Variants in HBP1 observed in about 807,000 individuals in gnomAD.
HBP1 encodes the protein HMG-box transcription factor 1, also known as HMG box-containing protein 1.
A neutral mutation model predicts 62.6 loss-of-function variants in HBP1; 20 were observed. The ratio of observed to expected loss-of-function variants is 0.32; its 90% CI spans 0.22 to 0.46. The LOEUF is 0.46. HBP1 is among the 20% of genes least tolerant of loss of function. The pLI is 1.00. For missense variants in HBP1, 480 were observed against 611.8 expected, an observed-to-expected ratio of 0.78 and a Z score of 2.27; for synonymous variants, 232 against 206.2, an observed-to-expected ratio of 1.12 and a Z score of -1.07.
chr7:107,189,194 A>AT, intron 6 of HBP1, 98 bp from the exon 7 acceptor site: 1 of 1,015,328 alleles, frequency 9.8e-7, no homozygotes, highest in Non-Finnish European at 1.5e-6. Context: ...TGTCTTGGTT[A>AT]TTTTTACCTT....
At chr7:107,195,018 C>G (rs933633493) in intron 8 of HBP1, among the ~76,000 whole-genome samples, 1 of 152,146 alleles carries the variant, frequency 6.6e-6, no homozygotes, top group Admixed American at 6.5e-5. Flanking sequence ...ACCCAGATTA[C>G]TGGGCATTTT....
intron 2 of HBP1, among the ~76,000 whole-genome samples, chr7:107,181,176 G>C (rs953539199): frequency 6.6e-6 from 1 of 152,154 alleles, no homozygotes; most frequent in African/African-American, 2.4e-5. Flanking sequence ...CCGAGTCAGT[G>C]CTTCTAATTA....
intron 1 of HBP1, among the ~76,000 whole-genome samples, chr7:107,171,025 TATATAACATATACATGTATAA>T (rs1796539690): frequency 2.2e-5 from 3 of 138,922 alleles, no homozygotes; most frequent in Non-Finnish European, 3.1e-5. Context: ...ATATATAAAA[TATATAACATATACATGTATAA>T]ATATATATAT....
intron 3 of HBP1, among the ~76,000 whole-genome samples, chr7:107,183,376 A>C (rs533350069): frequency 1.3e-5 from 2 of 152,282 alleles, no homozygotes; most frequent in East Asian, 1.9e-4. Context: ...CTAAAGAATA[A>C]ACTTATTAGG....
intron 7 of HBP1, 50 bp downstream of exon 7, chr7:107,189,498 A>T (rs781224070): frequency 7.2e-7 from 1 of 1,394,914 alleles, no homozygotes; most frequent in African/African-American, 1.4e-5. Flanking sequence ...AAAGCTTCTT[A>T]AATCTGTAAT....
intron 8 of HBP1, among the ~76,000 whole-genome samples, chr7:107,193,843 AAATT>A (rs1185682591): frequency 1.3e-5 from 2 of 152,214 alleles, no homozygotes; most frequent in African/African-American, 4.8e-5. Flanking sequence ...AAGCTTGAGT[AAATT>A]AATATTTCTG....
chr7:107,197,509 C>T lies in HBP1; in HGVS notation c.1385+1358C>T, dbSNP rs143677589. On this transcript the variant is annotated intron_variant, in intron 9 of 10. Transcript: ENST00000222574. ...TCAGCCACCCGAGTAGCTGGGATTACGGGCATGCGCCACTACACCCAGCTA... is the reference window on the plus strand; with the variant it reads ...TCAGCCACCCGAGTAGCTGGGATTATGGGCATGCGCCACTACACCCAGCTA... Among the ~76,000 whole-genome samples the T allele has an allele frequency of 3.1e-3, 475 of 152,216 alleles. 4 individuals carry two copies. Among genetic ancestry groups the T allele is most frequent in the African/African-American group, 0.011 (446 of 41,510 alleles).
intron 8 of HBP1, among the ~76,000 whole-genome samples, chr7:107,190,738 C>G (rs1435421426): frequency 6.6e-6 from 1 of 152,116 alleles, no homozygotes; most frequent in East Asian, 1.9e-4. Flanking sequence ...TTGTTTCATA[C>G]TCATTTTGAC....
intron 9 of HBP1, among the ~76,000 whole-genome samples, chr7:107,197,905 G>A (rs1264517657): frequency 6.6e-6 from 1 of 152,160 alleles, no homozygotes; most frequent in Non-Finnish European, 1.5e-5. Flanking sequence ...TGTTTTTCCT[G>A]AGAAAATGAC....
intron 3 of HBP1, among the ~76,000 whole-genome samples, chr7:107,184,370 A>G (rs982883407): frequency 1.3e-5 from 2 of 152,248 alleles, no homozygotes; most frequent in African/African-American, 4.8e-5. Context: ...TGATGTGAAC[A>G]TGAAAGTATA....
At chr7:107,193,974 T>G (rs1256139874) in intron 8 of HBP1, among the ~76,000 whole-genome samples, 1 of 152,204 alleles carries the variant, frequency 6.6e-6, no homozygotes, top group African/African-American at 2.4e-5. Flanking sequence ...TTAAGACTAA[T>G]GATTAGACAG....
At chr7:107,196,255 C>G (rs1309181358) in intron 9 of HBP1, 104 bp downstream of exon 9, 1 of 790,590 alleles carries the variant, frequency 1.3e-6, no homozygotes, top group Admixed American at 2.0e-5. Flanking sequence ...AGCTTTTATT[C>G]AACTCTTAGG....
At chr7:107,170,875 A>G (rs1796522945) in intron 1 of HBP1, among the ~76,000 whole-genome samples, 1 of 150,070 alleles carries the variant, frequency 6.7e-6, no homozygotes, top group Non-Finnish European at 1.5e-5. Flanking sequence ...TCAGACGTCA[A>G]ACATGATACT....
At chr7:107,179,457 G>A (rs1797006208) in intron 1 of HBP1, among the ~76,000 whole-genome samples, 1 of 152,110 alleles carries the variant, frequency 6.6e-6, no homozygotes, top group South Asian at 2.1e-4. Flanking sequence ...GCTATAAATG[G>A]CAGTGTATGA....
At chr7:107,193,782 G>T (rs953300598) in intron 8 of HBP1, among the ~76,000 whole-genome samples, 2 of 152,112 alleles carry the variant, frequency 1.3e-5, no homozygotes, top group African/African-American at 2.4e-5. Context: ...ACATGAGCTC[G>T]ATCTGGACTG....
chr7:107,181,641 T>G (rs1260282671), intron 2 of HBP1, among the ~76,000 whole-genome samples: 1 of 151,748 alleles, frequency 6.6e-6, no homozygotes, highest in East Asian at 1.9e-4. Context: ...AGTTTGTAGG[T>G]ATGTGTTTCG....
chr7:107,177,319 T>G (rs1319174311), intron 1 of HBP1, among the ~76,000 whole-genome samples: 3 of 152,184 alleles, frequency 2.0e-5, no homozygotes, highest in African/African-American at 7.2e-5. Flanking sequence ...CAGTGCCCTT[T>G]TTGCTACACC....
chr7:107,171,073 A>ATATATATATATATTTTTTT, intron 1 of HBP1, among the ~76,000 whole-genome samples: 2 of 87,194 alleles, frequency 2.3e-5, no homozygotes, highest in African/African-American at 1.3e-4. Context: ...ATATATATAT[A>ATATATATATATATTTTTTT]TTTTTTTTTT....
chr7:107,191,268 A>G (rs1488693116), intron 8 of HBP1, among the ~76,000 whole-genome samples: 12 of 152,216 alleles, frequency 7.9e-5, no homozygotes, highest in Admixed American at 7.2e-4. Context: ...ATAAATGTCT[A>G]CAAGCTTATG....
Sources: gnomAD v4.1 joint callset for allele counts (sites outside exome capture counted in the v4.1 genomes callset) on GRCh38, gnomAD v4.1.1 for gene constraint, MANE v1.5 for transcripts, NCBI Gene and HGNC (gene_info 2026-07-23, HGNC 2026-07-21) for gene names.